The following TMEM123 variants were observed in gnomAD, a reference collection of about 807,000 sequenced individuals.
TMEM123 encodes the protein transmembrane protein 123.
TMEM123 carries 16 observed loss-of-function variants against 19.7 expected under a neutral mutation model. The observed-to-expected ratio is 0.81, with a 90% CI of 0.55 to 1.23. The LOEUF (loss-of-function observed/expected upper bound fraction) is 1.23. Among genes scored for constraint, TMEM123 ranks in the 50% most tolerant of loss-of-function variants. The pLI, the probability that TMEM123 is intolerant of heterozygous loss-of-function variation, is 0.00. For synonymous variants in TMEM123, 118 were observed against 99.4 expected, an observed-to-expected ratio of 1.19 and a Z score of -1.12; for missense variants, 313 against 257.8, an observed-to-expected ratio of 1.21 and a Z score of -1.47.
intron 2 of TMEM123, among the ~76,000 whole-genome samples, chr11:102,436,832 G>GA (rs760408864): frequency 4.6e-5 from 7 of 152,142 alleles, no homozygotes; most frequent in Non-Finnish European, 1.0e-4. Context: ...CAATAAAAAA[G>GA]AATGTCAAGT....
chr11:102,402,485 G>A (rs1279414806), intron 2 of TMEM123, among the ~76,000 whole-genome samples: 21 of 151,466 alleles, frequency 1.4e-4, no homozygotes, highest in Admixed American at 1.4e-3. Flanking sequence ...AGTTCCCTCA[G>A]TGCAGGGACA....
At chr11:102,402,257 A>G (rs561417777) in intron 2 of TMEM123, 51 bp from the exon 3 acceptor site, 8 of 1,568,220 alleles carry the variant, frequency 5.1e-6, no homozygotes, top group Non-Finnish European at 6.1e-6. Flanking sequence ...TTAGGGAATA[A>G]GATCCCATTT....
intron 1 of TMEM123, chr11:102,451,100 C>T (rs11225257): frequency 6.6e-6 from 1 of 152,222 alleles, no homozygotes; most frequent in East Asian, 1.9e-4. Flanking sequence ...TGGGACTAAC[C>T]TCTAGTAAGA....
chr11:102,423,940 T>C (rs1015621349), intron 2 of TMEM123, among the ~76,000 whole-genome samples: 17 of 152,208 alleles, frequency 1.1e-4, no homozygotes, highest in Admixed American at 5.9e-4. Flanking sequence ...TTAAAAAATA[T>C]ATAAAAGTTT....
intron 2 of TMEM123, among the ~76,000 whole-genome samples, chr11:102,418,271 A>G (rs997636140): frequency 6.6e-6 from 1 of 152,148 alleles, no homozygotes; most frequent in Admixed American, 6.5e-5. Context: ...GGGAGAAAAT[A>G]TTTGCAAATT....
chr11:102,440,305 T>C (rs544860084), intron 2 of TMEM123, among the ~76,000 whole-genome samples: 2 of 152,124 alleles, frequency 1.3e-5, no homozygotes, highest in Admixed American at 6.5e-5. Context: ...GAGAGAAAGG[T>C]TGGGTTATCC....
intron 2 of TMEM123, among the ~76,000 whole-genome samples, chr11:102,413,691 CA>C: frequency 6.6e-6 from 1 of 152,098 alleles, no homozygotes; most frequent in East Asian, 1.9e-4. Flanking sequence ...ATGCCACAGT[CA>C]AATCAAGGGC....
chr11:102,416,786 A>C (rs1399303255), intron 2 of TMEM123, among the ~76,000 whole-genome samples: 1 of 152,290 alleles, frequency 6.6e-6, no homozygotes. Context: ...GCACATCAAA[A>C]AGCTAATCCA....
At chr11:102,406,475 C>CTGCA (rs879837741) in intron 2 of TMEM123, among the ~76,000 whole-genome samples, 4 of 152,164 alleles carry the variant, frequency 2.6e-5, no homozygotes, top group Non-Finnish European at 5.9e-5. Context: ...GTTTAAAAGG[C>CTGCA]TGCACTGGGA....
chr11:102,426,324 C>A (rs1952125776), intron 2 of TMEM123, among the ~76,000 whole-genome samples: 1 of 152,202 alleles, frequency 6.6e-6, no homozygotes, highest in Non-Finnish European at 1.5e-5. Flanking sequence ...AGGCACTGTT[C>A]TGAATGCTTA....
In TMEM123 at chr11:102,397,389, C is replaced by T. The variant is rs775327689; in HGVS notation, c.*1478G>A. On this transcript the variant is annotated 3_prime_UTR_variant, in exon 5 of 5. Coordinates refer to ENST00000398136, the MANE Select transcript of TMEM123 (RefSeq NM_052932.3). ...AGAAACTGGTGTGATTCACTTTGGC[C>T]CTCTGAGATAGAAATGCCATCTTAG... is the stretch of plus-strand genomic sequence containing the variant. 6 of 152,094 alleles carry T rather than the reference C, an allele frequency of 3.9e-5. No homozygotes were observed. The highest frequency in any genetic ancestry group is 5.9e-5 in the Non-Finnish European group (4 of 67,996). The allele number at this position is 152,094 out of a possible 1,614,324, so 9.4% of individuals were successfully genotyped here. A position where few individuals can be genotyped will look rare whatever the true frequency, so the allele number is the denominator to read the frequency against.
rs549395030 is a variant in TMEM123 at position 102,429,729 on chromosome 11, T to C, written c.157+19083A>G. Among the ~76,000 whole-genome samples, 31 of 152,324 alleles carry C rather than the reference T, an allele frequency of 2.0e-4. No homozygotes were observed. The East Asian group carries it at 6.0e-3, about 29-fold the overall frequency. ...ACATAGCATCTTGTACTGTAAACTATTATAGGCTTCAGATGTAGCCAGACT... is the reference window on the plus strand; with the variant it reads ...ACATAGCATCTTGTACTGTAAACTACTATAGGCTTCAGATGTAGCCAGACT... On this transcript the variant is annotated intron_variant, in intron 2 of 4. Transcript: ENST00000398136.
rs772501488 is a variant in TMEM123 at position 102,398,919 on chromosome 11, TTTG to T, written c.603-31_603-29del. The T allele has an allele frequency of 2.9e-5, 46 of 1,593,340 alleles. No homozygotes were observed. In the South Asian group the frequency reaches 5.2e-4, roughly 18 times the overall value. ...GTAATATATTAAAAGTTACAATTAC[TTTG>T]TTTTGTTTTTTCTGTCAAAACTACT... On this transcript the variant is annotated intron_variant, in intron 4 of 4. Transcript: ENST00000398136.
chr11:102,431,969 G>A (rs1301943654), intron 2 of TMEM123, among the ~76,000 whole-genome samples: 1 of 152,154 alleles, frequency 6.6e-6, no homozygotes, highest in Non-Finnish European at 1.5e-5. Flanking sequence ...ATGATTGTGA[G>A]TTTCCTGAAG....
rs1478512057 is a variant in TMEM123, at chr11:102,422,345, A to G, written c.158-20139T>C. Among the ~76,000 whole-genome samples, 3 of 152,260 alleles carry G rather than the reference A, an allele frequency of 2.0e-5. No individual in the cohort carries two copies. In the South Asian group the frequency reaches 6.2e-4, roughly 32 times the overall value. Reference sequence around the variant, plus strand: ...CAAAATTAGCCAGGTGTGGTGGCACACGCCTGTAATCCCAGTTACTCGGGA... The same window carrying G: ...CAAAATTAGCCAGGTGTGGTGGCACGCGCCTGTAATCCCAGTTACTCGGGA... On this transcript the variant is annotated intron_variant, in intron 2 of 4. Coordinates refer to ENST00000398136, the MANE Select transcript of TMEM123 (RefSeq NM_052932.3).
chr11:102,406,340 T>C (rs887246126), intron 2 of TMEM123, among the ~76,000 whole-genome samples: 2 of 152,178 alleles, frequency 1.3e-5, no homozygotes, highest in Admixed American at 6.5e-5. Context: ...GGAAGGCTTC[T>C]AGGGCACTAC....
At chr11:102,400,483 T>G (rs1951902308) in intron 4 of TMEM123, among the ~76,000 whole-genome samples, 3 of 152,258 alleles carry the variant, frequency 2.0e-5, no homozygotes, top group Admixed American at 2.0e-4. Flanking sequence ...GACACATGTA[T>G]GTCAAATGTT....
At chr11:102,443,230 C>T (rs879583350) in intron 2 of TMEM123, among the ~76,000 whole-genome samples, 10 of 152,216 alleles carry the variant, frequency 6.6e-5, no homozygotes, top group Non-Finnish European at 1.3e-4. Flanking sequence ...AAATAGCCCA[C>T]ATTGCCAAGA....
At chr11:102,398,987 T>C (rs1336667434) in intron 4 of TMEM123, 96 bp from the exon 5 acceptor site, 1 of 1,121,018 alleles carries the variant, frequency 8.9e-7, no homozygotes, top group African/African-American at 1.6e-5. Context: ...TAGAACAATT[T>C]CAAGCTGCAC....
Sources: gnomAD v4.1 joint callset for allele counts (sites outside exome capture counted in the v4.1 genomes callset) on GRCh38, gnomAD v4.1.1 for gene constraint, MANE v1.5 for transcripts, NCBI Gene and HGNC (gene_info 2026-07-23, HGNC 2026-07-21) for gene names.